Variants in TENM3 observed in about 807,000 individuals in gnomAD.
The protein encoded by TENM3 is teneurin transmembrane protein 3, also known as teneurin-3.
A neutral mutation model predicts 255.1 loss-of-function variants in TENM3; 63 were observed. That is an observed-to-expected ratio of 0.25 (90% CI 0.20 to 0.30). TENM3 has a LOEUF of 0.30. Ranked by LOEUF, TENM3 falls within the 10% of genes least tolerant of loss-of-function variation. TENM3 has a pLI of 1.00. For missense variants in TENM3, 2,929 were observed against 3,461.1 expected (o/e 0.85, Z 3.86); for synonymous variants, 1,306 against 1,322.3 (o/e 0.99, Z 0.27).
At chr4:182,625,171 A>G in intron 4 of TENM3, among the ~76,000 whole-genome samples, 1 of 152,188 alleles carries the variant, frequency 6.6e-6, no homozygotes. Context: ...CATCGGTGAT[A>G]CCAGGAGGGG....
intron 2 of TENM3, among the ~76,000 whole-genome samples, chr4:182,326,698 A>G (rs1380439661): frequency 6.9e-6 from 1 of 145,466 alleles, no homozygotes; most frequent in Non-Finnish European, 1.5e-5. Flanking sequence ...CCACCATGCC[A>G]GGGTAATTTT....
chr4:182,436,093 C>G (rs933754526), intron 3 of TENM3, among the ~76,000 whole-genome samples: 1 of 151,918 alleles, frequency 6.6e-6, no homozygotes, highest in African/African-American at 2.4e-5. Flanking sequence ...CTGTGAAGGT[C>G]GTAGGGACTC....
the TENM3 span, among the ~76,000 whole-genome samples, chr4:181,522,179 A>G: frequency 1.3e-5 from 2 of 150,586 alleles, no homozygotes; most frequent in Non-Finnish European, 3.0e-5. Flanking sequence ...GGTGCTATGT[A>G]TAGAGCAGAT....
intron 1 of TENM3, among the ~76,000 whole-genome samples, chr4:182,214,554 G>A (rs986933154): frequency 1.4e-5 from 2 of 142,762 alleles, no homozygotes; most frequent in African/African-American, 5.7e-5. Context: ...TTTTAGGGAC[G>A]GGGGTCTTGC....
chr4:181,850,686 A>T, the TENM3 span, among the ~76,000 whole-genome samples: 1 of 152,084 alleles, frequency 6.6e-6, no homozygotes, highest in Non-Finnish European at 1.5e-5. Flanking sequence ...CTGCTTTGTG[A>T]TGTGCCAATG....
chr4:182,339,063 A>G (rs1467692831), intron 2 of TENM3, among the ~76,000 whole-genome samples: 1 of 152,216 alleles, frequency 6.6e-6, no homozygotes, highest in Non-Finnish European at 1.5e-5. Context: ...CTGTCATCAG[A>G]CAAAAACGAA....
At chr4:181,590,060 A>G in the TENM3 span, among the ~76,000 whole-genome samples, 1 of 152,220 alleles carries the variant, frequency 6.6e-6, no homozygotes, top group African/African-American at 2.4e-5. Flanking sequence ...TAAATAAGAA[A>G]GAGGTAGTGA....
intron 2 of TENM3, among the ~76,000 whole-genome samples, chr4:182,339,698 C>G (rs1284025875): frequency 6.6e-6 from 1 of 152,148 alleles, no homozygotes; most frequent in Non-Finnish European, 1.5e-5. Context: ...CAGTGTGACT[C>G]ACCGCGGTGC....
intron 3 of TENM3, among the ~76,000 whole-genome samples, chr4:182,537,780 C>T (rs977361582): frequency 2.6e-5 from 4 of 151,898 alleles, no homozygotes; most frequent in African/African-American, 9.7e-5. Context: ...CGTTTGTGTC[C>T]CTGTCTCTGT....
the TENM3 span, among the ~76,000 whole-genome samples, chr4:182,086,281 T>C: frequency 6.6e-6 from 1 of 152,160 alleles, no homozygotes; most frequent in Non-Finnish European, 1.5e-5. Flanking sequence ...TCTCAGACAC[T>C]GCACAAATTA....
intron 3 of TENM3, among the ~76,000 whole-genome samples, chr4:182,464,364 C>A (rs544514873): frequency 3.3e-5 from 5 of 152,156 alleles, no homozygotes; most frequent in African/African-American, 1.2e-4. Flanking sequence ...TCAAGTGATT[C>A]TCCTGACTCA....
chr4:181,652,142 TAAAAAAAAAAAAA>T, the TENM3 span, among the ~76,000 whole-genome samples: 1 of 114,686 alleles, frequency 8.7e-6, no homozygotes, highest in Non-Finnish European at 1.8e-5. Flanking sequence ...CACTTTGGGG[TAAAAAAAAAAAAA>T]AAAAAAAAAA....
chr4:182,017,416 G>A, the TENM3 span, among the ~76,000 whole-genome samples: 7 of 152,170 alleles, frequency 4.6e-5, no homozygotes, highest in South Asian at 2.1e-4. Context: ...TGAGTTTTAC[G>A]TAGTCATTAA....
the TENM3 span, among the ~76,000 whole-genome samples, chr4:182,060,259 AG>A: frequency 6.6e-6 from 1 of 152,142 alleles, no homozygotes; most frequent in African/African-American, 2.4e-5. Context: ...AATAAATAAA[AG>A]TAGTCTATGG....
At chr4:181,609,270 C>T in the TENM3 span, among the ~76,000 whole-genome samples, 2 of 152,024 alleles carry the variant, frequency 1.3e-5, no homozygotes, top group Non-Finnish European at 2.9e-5. Context: ...CTTTTGACTT[C>T]TTTTTTCCAT....
At chr4:181,968,583 G>A in the TENM3 span, among the ~76,000 whole-genome samples, 5 of 152,140 alleles carry the variant, frequency 3.3e-5, no homozygotes, top group African/African-American at 1.2e-4. Context: ...CATCTAGAAT[G>A]CTAACCGCAG....
the TENM3 span, among the ~76,000 whole-genome samples, chr4:182,122,636 G>A: frequency 6.6e-6 from 1 of 152,094 alleles, no homozygotes; most frequent in Non-Finnish European, 1.5e-5. Flanking sequence ...CTGTCATCCA[G>A]GTTTTATTCC....
At chr4:182,478,035 C>CTGTAAAA (rs1733842821) in intron 3 of TENM3, among the ~76,000 whole-genome samples, 1 of 152,080 alleles carries the variant, frequency 6.6e-6, no homozygotes, top group Admixed American at 6.5e-5. Context: ...ACTGTTTCAA[C>CTGTAAAA]TGTAAAATGT....
intron 1 of TENM3, among the ~76,000 whole-genome samples, chr4:182,264,116 GA>G (rs201460988): frequency 3.3e-5 from 5 of 151,788 alleles, no homozygotes; most frequent in Non-Finnish European, 7.4e-5. Context: ...CTAAATGAAT[GA>G]AAAAAAATCA....
Sources: allele counts gnomAD v4.1 joint callset (sites outside exome capture counted in the v4.1 genomes callset), GRCh38; gene constraint gnomAD v4.1.1; transcripts MANE v1.5; gene names NCBI Gene and HGNC (gene_info 2026-07-23, HGNC 2026-07-21).